TENM3: variants seen among roughly 807,000 people sequenced by gnomAD.
The protein encoded by TENM3 is teneurin transmembrane protein 3.
A neutral mutation model predicts 255.1 loss-of-function variants in TENM3; 63 were observed. The ratio of observed to expected loss-of-function variants is 0.25; its 90% CI spans 0.20 to 0.30. TENM3 has a LOEUF of 0.30. Among genes scored for constraint, TENM3 ranks in the 10% least tolerant of loss-of-function variants. The probability of loss-of-function intolerance (pLI) is 1.00; values close to 1 mark genes in which losing one functional copy is unlikely to be tolerated. For synonymous variants in TENM3, 1,306 were observed against 1,322.3 expected (o/e 0.99, Z 0.27); for missense variants, 2,929 against 3,461.1 (o/e 0.85, Z 3.86).
At chr4:181,665,072 A>T in the TENM3 span, among the ~76,000 whole-genome samples, 2 of 152,328 alleles carry the variant, frequency 1.3e-5, no homozygotes, top group East Asian at 3.9e-4. Flanking sequence ...AAATAGGCTC[A>T]GATAGATGAA....
At chr4:181,576,438 T>A in the TENM3 span, among the ~76,000 whole-genome samples, 3 of 152,198 alleles carry the variant, frequency 2.0e-5, 1 homozygote, top group South Asian at 6.2e-4. Flanking sequence ...TTTGAGTAGA[T>A]ACCCAGTAGT....
At chr4:182,583,989 C>A (rs537715566) in intron 3 of TENM3, among the ~76,000 whole-genome samples, 28 of 152,210 alleles carry the variant, frequency 1.8e-4, no homozygotes, top group Middle Eastern at 3.4e-3. Flanking sequence ...GCAACAGATT[C>A]CAAATAGATG....
At chr4:181,796,997 G>A in the TENM3 span, among the ~76,000 whole-genome samples, 5 of 152,056 alleles carry the variant, frequency 3.3e-5, no homozygotes, top group Non-Finnish European at 4.4e-5. Context: ...TATTTCAGAC[G>A]GCAAAGAGGG....
At chr4:181,605,335 C>T in the TENM3 span, among the ~76,000 whole-genome samples, 1 of 151,492 alleles carries the variant, frequency 6.6e-6, no homozygotes, top group East Asian at 2.0e-4. Flanking sequence ...GTCCCAGCTA[C>T]TCCAGAGGCT....
chr4:182,081,101 G>T, the TENM3 span, among the ~76,000 whole-genome samples: 3 of 152,078 alleles, frequency 2.0e-5, no homozygotes, highest in Middle Eastern at 3.2e-3. Flanking sequence ...ATTCATAATG[G>T]TTGTTAATTC....
chr4:182,395,335 A>G (rs1345973905), intron 3 of TENM3, among the ~76,000 whole-genome samples: 2 of 152,140 alleles, frequency 1.3e-5, no homozygotes, highest in African/African-American at 2.4e-5. Context: ...TATGACCACA[A>G]AATTATATAA....
chr4:181,451,572 G>A, the TENM3 span, among the ~76,000 whole-genome samples: 30 of 152,284 alleles, frequency 2.0e-4, no homozygotes, highest in Admixed American at 7.2e-4. Context: ...GAAGAAAAGA[G>A]TGAAGGTGTA....
the TENM3 span, among the ~76,000 whole-genome samples, chr4:181,826,055 A>G: frequency 1.3e-5 from 2 of 152,182 alleles, no homozygotes; most frequent in African/African-American, 4.8e-5. Flanking sequence ...TAGAACGTGA[A>G]TCTTTTTTTT....
At chr4:181,823,806 G>A in the TENM3 span, among the ~76,000 whole-genome samples, 6 of 152,086 alleles carry the variant, frequency 3.9e-5, no homozygotes, top group African/African-American at 7.2e-5. Flanking sequence ...GCTTGTAATC[G>A]TCGCTGCCTT....
chr4:182,232,650 C>T (rs921590294), intron 1 of TENM3, among the ~76,000 whole-genome samples: 11 of 151,892 alleles, frequency 7.2e-5, no homozygotes, highest in Middle Eastern at 3.2e-3. Context: ...GAGCGGAGAT[C>T]GCGCCACTGC....
chr4:182,216,489 T>A (rs1355713865), intron 1 of TENM3, among the ~76,000 whole-genome samples: 1 of 152,162 alleles, frequency 6.6e-6, no homozygotes, highest in Non-Finnish European at 1.5e-5. Context: ...ATCATCCTGA[T>A]ATCAGTTATA....
At chr4:181,585,137 G>A in the TENM3 span, among the ~76,000 whole-genome samples, 1 of 151,860 alleles carries the variant, frequency 6.6e-6, no homozygotes, top group South Asian at 2.1e-4. Context: ...GCAGAACTTG[G>A]CAACTAAACA....
At chr4:182,231,699 G>A (rs553465241) in intron 1 of TENM3, among the ~76,000 whole-genome samples, 2 of 152,176 alleles carry the variant, frequency 1.3e-5, no homozygotes, top group African/African-American at 4.8e-5. Flanking sequence ...ACATGCAGCT[G>A]ATGACTGCCA....
At chr4:182,619,161 C>T (rs553481229) in intron 4 of TENM3, among the ~76,000 whole-genome samples, 15 of 152,084 alleles carry the variant, frequency 9.9e-5, no homozygotes, top group Non-Finnish European at 1.9e-4. Context: ...GGTGTGGTGG[C>T]TCACACCTGT....
rs754751329 is a variant in TENM3, at chr4:182,793,196, A to T, written c.6524A>T (p.Tyr2175Phe). 3 of 1,613,994 alleles carry T rather than the reference A, an allele frequency of 1.9e-6. No individual in the cohort carries two copies. Among genetic ancestry groups the T allele is most frequent in the South Asian group, 1.1e-5 (1 of 91,086 alleles). ...AGTGCGCGTCTGACACCCCTTCGCT[A>T]TGACCTGCGAGACAGAATCACTCGA... ...SNSARLTPLR[Y>F]DLRDRITRLG... Residue 2175 changes from tyrosine (Y) to phenylalanine (F), a missense_variant, in exon 26 of 28, where the codon TAT becomes TTT. By Grantham distance (22) the Tyr-to-Phe change is conservative. Around this residue, in one of 6 missense-constraint regions of TENM3, gnomAD observed 256 missense variants for 389.3 expected, o/e 0.66. Coordinates refer to ENST00000511685, the MANE Select transcript of TENM3 (RefSeq NM_001080477.4). This position sits in a 1 kb window ranked among gnomAD's most constrained non-coding sequence, Gnocchi z 5.7.
chr4:182,762,135 TAGTC>T (rs1421958029), intron 22 of TENM3, among the ~76,000 whole-genome samples: 13 of 151,922 alleles, frequency 8.6e-5, no homozygotes, highest in Non-Finnish European at 1.8e-4. Context: ...AAAAACAGAT[TAGTC>T]AGATTTTCTC....
chr4:181,986,495 T>A, the TENM3 span, among the ~76,000 whole-genome samples: 24 of 152,220 alleles, frequency 1.6e-4, no homozygotes, highest in African/African-American at 5.3e-4. Context: ...GCATGATAAT[T>A]AAGAACATCC....
chr4:182,547,062 G>C (rs1671723413), intron 3 of TENM3, among the ~76,000 whole-genome samples: 2 of 152,090 alleles, frequency 1.3e-5, no homozygotes, highest in South Asian at 4.1e-4. Flanking sequence ...TACCTCACGT[G>C]ATTAATTCTC....
At chr4:181,540,138 C>A in the TENM3 span, among the ~76,000 whole-genome samples, 13 of 152,142 alleles carry the variant, frequency 8.5e-5, no homozygotes, top group Middle Eastern at 3.4e-3. Context: ...ACAGAACAGA[C>A]GCCATGATGA....
Sources: gnomAD v4.1 joint callset for allele counts (sites outside exome capture counted in the v4.1 genomes callset) on GRCh38, gnomAD v4.1.1 for gene constraint, gnomAD v4.1.1 regional missense constraint, Gnocchi (gnomAD v3.1) non-coding constraint, MANE v1.5 for transcripts, NCBI Gene and HGNC (gene_info 2026-07-23, HGNC 2026-07-21) for gene names.